GNG7: variants seen among roughly 807,000 people sequenced by gnomAD.
GNG7 encodes guanine nucleotide-binding protein G(I)/G(S)/G(O) subunit gamma-7.
A neutral mutation model predicts 4.0 loss-of-function variants in GNG7; 1 was observed. The ratio of observed to expected loss-of-function variants is 0.25; its 90% CI spans 0.09 to 1.18. GNG7 has a LOEUF of 1.18. Ranked by LOEUF, GNG7 falls within the 50% of genes most tolerant of loss-of-function variation. The pLI is 0.50. For synonymous variants in GNG7, 34 were observed against 36.9 expected, an observed-to-expected ratio of 0.92 and a Z score of 0.29; for missense variants, 86 against 91.9, an observed-to-expected ratio of 0.94 and a Z score of 0.26.
At position 2,659,316 on chromosome 19, in the gene GNG7, C is replaced by T. The variant is rs542495189; in HGVS notation, c.-134-13036G>A. ...GAGGAGGGCCGGGCGCGGTGGCTCA[C>T]GTCTGTCATCCCAGCACTTTGAGAG... On this transcript the variant is annotated intron_variant, in intron 1 of 4. Transcript: ENST00000382159. 8.7e-5 allele frequency among the ~76,000 whole-genome samples: 13 copies of T among 150,032 alleles called. No individual in the cohort carries two copies. In the South Asian group the frequency reaches 2.7e-3, roughly 32 times the overall value.
intron 2 of GNG7, among the ~76,000 whole-genome samples, chr19:2,562,347 G>A (rs1471371058): frequency 1.3e-5 from 2 of 151,252 alleles, no homozygotes; most frequent in African/African-American, 2.4e-5. Context: ...GCAGTGGCGC[G>A]ATCTCGGCTC....
intron 1 of GNG7, among the ~76,000 whole-genome samples, chr19:2,650,567 C>T (rs55639508): frequency 0.45 from 68,271 of 151,990 alleles, 15,427 homozygotes; most frequent in East Asian, 0.54. Context: ...AACCCCAGCC[C>T]CTGGCTGTCC....
chr19:2,657,939 G>A (rs993495168), intron 1 of GNG7, among the ~76,000 whole-genome samples: 1 of 152,010 alleles, frequency 6.6e-6, no homozygotes, highest in African/African-American at 2.4e-5. Flanking sequence ...TGCCAAACAG[G>A]GAAGGGCCCC....
At chr19:2,676,800 A>ACG (rs1568282105) in intron 1 of GNG7, among the ~76,000 whole-genome samples, 2 of 151,636 alleles carry the variant, frequency 1.3e-5, no homozygotes, top group African/African-American at 4.9e-5. Flanking sequence ...ACCCGGCTGG[A>ACG]GGAGTTGGGT....
At chr19:2,534,200 G>A (rs987631973) in intron 3 of GNG7, among the ~76,000 whole-genome samples, 2 of 152,130 alleles carry the variant, frequency 1.3e-5, no homozygotes, top group African/African-American at 4.8e-5. Flanking sequence ...AATGCCAGCT[G>A]TCCCCAGAGA....
chr19:2,551,608 CAAAT>C (rs1265274354), intron 3 of GNG7, among the ~76,000 whole-genome samples: 1 of 147,180 alleles, frequency 6.8e-6, no homozygotes, highest in East Asian at 2.0e-4. Context: ...AATATATAAA[CAAAT>C]ATATATTTAT....
chr19:2,523,346 GT>G (rs1978319809), intron 3 of GNG7, among the ~76,000 whole-genome samples: 1 of 151,406 alleles, frequency 6.6e-6, no homozygotes, highest in Non-Finnish European at 1.5e-5. Flanking sequence ...GAGTCCAGGA[GT>G]TTGAGGCCAG....
intron 2 of GNG7, among the ~76,000 whole-genome samples, chr19:2,592,636 T>C (rs989909243): frequency 6.6e-6 from 1 of 150,988 alleles, no homozygotes; most frequent in Non-Finnish European, 1.5e-5. Flanking sequence ...ACTCAGGACG[T>C]TGAGGCAGAA....
At position 2,687,970 on chromosome 19, in the gene GNG7, T is replaced by G. The variant is rs372203775; in HGVS notation, c.-135+14676A>C. On this transcript the variant is annotated intron_variant, in intron 1 of 4. Transcript: ENST00000382159. ...AACAAAACTCTGCCTCCAGATAAAA[T>G]AGCCGGGCGCGGTGGCTCACGCCTG... Among the ~76,000 whole-genome samples, 13 of 116,816 alleles carry G rather than the reference T, an allele frequency of 1.1e-4. No individual in the cohort carries two copies. In the East Asian group the frequency reaches 2.6e-3, roughly 23 times the overall value. 76.6% of individuals were successfully genotyped at this position (116,816 alleles called of 152,430 possible).
At position 2,580,713 on chromosome 19, in the gene GNG7, C is replaced by T. The variant is rs569840915; in HGVS notation, c.-77-25525G>A. Among the ~76,000 whole-genome samples, 9 of 150,922 alleles carry T rather than the reference C, an allele frequency of 6.0e-5. No individual in the cohort carries two copies. The South Asian group carries it at 1.9e-3, about 32-fold the overall frequency. ...ACTCTTGGCCTCAAGGGATCGTCCC[C>T]ACTCAGCCTCCCAAGTAGCTGGGAC... is the stretch of plus-strand genomic sequence containing the variant. On this transcript the variant is annotated intron_variant, in intron 2 of 4. Coordinates refer to ENST00000382159, the MANE Select transcript of GNG7 (RefSeq NM_052847.3).
chr19:2,649,123 A>T (rs750865318), intron 1 of GNG7, among the ~76,000 whole-genome samples: 2 of 151,738 alleles, frequency 1.3e-5, no homozygotes, highest in Non-Finnish European at 2.9e-5. Flanking sequence ...AAAAATAGAG[A>T]CAGGGTCTTT....
rs1255925025 is a variant in GNG7, at chr19:2,557,358, C to T, written c.-77-2170G>A. The stretch of plus-strand genomic sequence containing the variant: ...ACACACACATGTGCACACACACAGA[C>T]ACACACACACGTGCACGCACACATG... On this transcript the variant is annotated intron_variant, in intron 2 of 4. Coordinates refer to ENST00000382159, the MANE Select transcript of GNG7 (RefSeq NM_052847.3). The surrounding 1 kb of genome is among the most constrained non-coding windows in gnomAD (Gnocchi z 5.1). 1.1e-5 allele frequency among the ~76,000 whole-genome samples: 1 copy of T among 94,708 alleles called. No individual in the cohort carries two copies. Among genetic ancestry groups the T allele is most frequent in the Non-Finnish European group, 2.5e-5 (1 of 39,246 alleles). 62.1% of individuals were successfully genotyped at this position (94,708 alleles called of 152,430 possible). A position where few individuals can be genotyped will look rare whatever the true frequency, so the allele number is the denominator to read the frequency against.
chr19:2,540,344 G>A (rs1232813888), intron 3 of GNG7, among the ~76,000 whole-genome samples: 2 of 151,360 alleles, frequency 1.3e-5, no homozygotes, highest in Non-Finnish European at 2.9e-5. Flanking sequence ...AGAGATGGGG[G>A]TCTCACTATG....
Position 2,626,571 on chromosome 19 carries a change from CACTCA to C in GNG7, c.-78+19648_-78+19652del, listed in dbSNP as rs528434257. Among the ~76,000 whole-genome samples the C allele has an allele frequency of 5.9e-5, 9 of 152,286 alleles. No homozygotes were observed. In the East Asian group the frequency reaches 1.5e-3, roughly 26 times the overall value. On this transcript the variant is annotated intron_variant, in intron 2 of 4. Transcript: ENST00000382159. This position sits in a 1 kb window ranked among gnomAD's most constrained non-coding sequence, Gnocchi z 5.0. Reference sequence around the variant, plus strand: ...CCTGTCACCTTCAGGGCACTAGCAACACTCAACTCATGTCACTTCCTCCAGGAAGC... The same window carrying C: ...CCTGTCACCTTCAGGGCACTAGCAACACTCATGTCACTTCCTCCAGGAAGC...
intron 1 of GNG7, among the ~76,000 whole-genome samples, chr19:2,692,545 G>T (rs937226503): frequency 1.3e-5 from 2 of 151,502 alleles, no homozygotes; most frequent in African/African-American, 4.9e-5. Flanking sequence ...TGAGGCAGGA[G>T]AATGGCGTGA....
At chr19:2,539,852 G>GCCTC (rs1555692000) in intron 3 of GNG7, among the ~76,000 whole-genome samples, 3 of 146,756 alleles carry the variant, frequency 2.0e-5, no homozygotes, top group Non-Finnish European at 4.5e-5. Flanking sequence ...TCTCCTTCCT[G>GCCTC]CCTCCCTCCC....
intron 1 of GNG7, among the ~76,000 whole-genome samples, chr19:2,686,590 C>T (rs4627491): frequency 3.6e-3 from 541 of 152,228 alleles, no homozygotes; most frequent in Admixed American, 5.0e-3. Context: ...ACCGGCAGGA[C>T]GCATATGTCT....
intron 1 of GNG7, among the ~76,000 whole-genome samples, chr19:2,663,046 C>T (rs1435271194): frequency 1.3e-5 from 2 of 152,042 alleles, no homozygotes; most frequent in African/African-American, 4.8e-5. Context: ...CCCACTGACC[C>T]ACAGAAACTG....
intron 1 of GNG7, among the ~76,000 whole-genome samples, chr19:2,685,409 A>G (rs2144904089): frequency 6.6e-6 from 1 of 152,248 alleles, no homozygotes. Context: ...GGATAGCTTG[A>G]GCCTAGGGGT....
Sources: allele counts gnomAD v4.1 joint callset (sites outside exome capture counted in the v4.1 genomes callset), GRCh38; gene constraint gnomAD v4.1.1; non-coding constraint Gnocchi (gnomAD v3.1); transcripts MANE v1.5; gene names NCBI Gene and HGNC (gene_info 2026-07-23, HGNC 2026-07-21).